SLC12A8: variants seen among roughly 807,000 people sequenced by gnomAD.
SLC12A8 encodes cation-chloride cotransporter 9.
SLC12A8 carries 69 observed loss-of-function variants against 75.6 expected under a neutral mutation model. The ratio of observed to expected loss-of-function variants is 0.91; its 90% CI spans 0.75 to 1.11. The LOEUF is 1.11. Among genes scored for constraint, SLC12A8 ranks in the 50% most tolerant of loss-of-function variants. The pLI is 0.00. For missense variants in SLC12A8, 877 were observed against 896.7 expected (o/e 0.98, Z 0.28); for synonymous variants, 365 against 372.8 (o/e 0.98, Z 0.24).
chr3:125,202,099 G>A (rs1376030753), intron 2 of SLC12A8, among the ~76,000 whole-genome samples: 1 of 152,050 alleles, frequency 6.6e-6, no homozygotes, highest in South Asian at 2.1e-4. Context: ...TTGTAGAGAC[G>A]GTGTTTCACC....
chr3:125,114,648 A>G (rs942584191), intron 8 of SLC12A8, among the ~76,000 whole-genome samples: 1 of 151,896 alleles, frequency 6.6e-6, no homozygotes, highest in African/African-American at 2.4e-5. Context: ...GCTGGTCTTG[A>G]ACTCCTGACC....
chr3:125,133,379 AAT>A (rs753850602), intron 6 of SLC12A8, among the ~76,000 whole-genome samples: 20 of 52,344 alleles, frequency 3.8e-4, no homozygotes, highest in Admixed American at 4.4e-4. Flanking sequence ...ACACACACAC[AAT>A]TTTTTTTTTG....
chr3:125,100,267 T>C (rs191655039), intron 10 of SLC12A8, among the ~76,000 whole-genome samples: 56 of 152,286 alleles, frequency 3.7e-4, no homozygotes, highest in African/African-American at 1.3e-3. Context: ...CCAAATTTGA[T>C]GAAAAACTTT....
At chr3:125,157,688 T>G (rs1934079201) in intron 5 of SLC12A8, among the ~76,000 whole-genome samples, 1 of 152,156 alleles carries the variant, frequency 6.6e-6, no homozygotes, top group South Asian at 2.1e-4. Context: ...GGGATCACCA[T>G]CCCCAGTTTA....
Position 125,107,844 on chromosome 3 carries a change from G to C in SLC12A8, c.1342C>G (p.Gln448Glu). Residue 448 changes from glutamine to glutamate, a missense_variant, in exon 10 of 14, where the codon CAA becomes GAA. Coordinates refer to ENST00000469902, the MANE Select transcript of SLC12A8 (RefSeq NM_024628.6). ...APSYGSEGPA[Q>E]RVLEGTLLEF... ...AGTAGCGTGCCCTCCAAGACTCTTT[G>C]GGCAGGTCCCTCAGAGCCGTAACTG... 6.2e-7 allele frequency: 1 copy of C among 1,614,162 alleles called. No individual in the cohort carries two copies.
chr3:125,192,923 A>G (rs1428146181), intron 2 of SLC12A8, among the ~76,000 whole-genome samples: 1 of 152,248 alleles, frequency 6.6e-6, no homozygotes, highest in Non-Finnish European at 1.5e-5. Flanking sequence ...ACATAAGCCC[A>G]GCAAGAGACA....
In SLC12A8 at chr3:125,206,767, A is replaced by G. The variant is rs958132051; in HGVS notation, c.51+4532T>C. The G allele has an allele frequency of 5.3e-5, 8 of 152,268 alleles. 1 individual carries two copies. Among genetic ancestry groups the G allele is most frequent in the Non-Finnish European group, 1.2e-4 (8 of 68,094 alleles). The allele number at this position is 152,268 out of a possible 1,614,324, so 9.4% of individuals were successfully genotyped here. ...CCAGGGAGGCCTCAGGAAACTTTCA[A>G]TCATGGTGGAAGGCAAAGGCGAGGC... is the stretch of plus-strand genomic sequence containing the variant. On this transcript the variant is annotated intron_variant, in intron 2 of 13. Transcript: ENST00000469902.
intron 5 of SLC12A8, among the ~76,000 whole-genome samples, chr3:125,175,891 C>A (rs1342887870): frequency 2.0e-5 from 3 of 152,134 alleles, no homozygotes; most frequent in Non-Finnish European, 4.4e-5. Context: ...GGGGTTAACC[C>A]TTTAGGTGCC....
intron 7 of SLC12A8, chr3:125,119,972 G>A: frequency 4.4e-6 from 2 of 451,258 alleles, no homozygotes; most frequent in South Asian, 1.6e-5. Context: ...GGGTGGCACA[G>A]TGTGAACTAA....
Position 125,108,106 on chromosome 3 carries a change from G to A in SLC12A8, c.1080C>T (p.Pro360=), listed in dbSNP as rs532840041. Residue 360 remains proline (P), a synonymous_variant, in exon 10 of 14, where the codon CCC becomes CCT. Coordinates refer to ENST00000469902, the MANE Select transcript of SLC12A8 (RefSeq NM_024628.6). ...LGQGKGPNKT[P]VAAICLTSLV... is the part of the protein sequence containing the mutation. ...AGCTGGTCAGGCAGATGGCAGCCAC[G>A]GGTGTTTTGTTTGGCCCCTTCTGCA... is the stretch of plus-strand genomic sequence containing the variant. 1.1e-4 allele frequency: 172 copies of A among 1,613,636 alleles called. 1 individual carries two copies. In the South Asian group the frequency reaches 1.6e-3, roughly 15 times the overall value.
At chr3:125,184,317 T>G (rs6777718) in intron 4 of SLC12A8, among the ~76,000 whole-genome samples, 95,153 of 152,050 alleles carry the variant, frequency 0.63, 31,156 homozygotes, top group Non-Finnish European at 0.73. Context: ...TCTCCTCAGT[T>G]TTGATGCTCT....
intron 6 of SLC12A8, among the ~76,000 whole-genome samples, chr3:125,128,155 C>T (rs1933254043): frequency 1.3e-5 from 2 of 151,146 alleles, no homozygotes; most frequent in South Asian, 2.1e-4. Context: ...CAGGCATGAG[C>T]CACCGTGCCC....
intron 2 of SLC12A8, chr3:125,206,891 G>A (rs1040735621): frequency 1.3e-5 from 2 of 152,242 alleles, no homozygotes; most frequent in African/African-American, 4.8e-5. Flanking sequence ...CTCACTATCA[G>A]AACAGCATCG....
At position 125,177,866 on chromosome 3, in the gene SLC12A8, C is replaced by T; in HGVS notation, c.499G>A (p.Ala167Thr). ...CCTGCGAGGTTAATGCCCAGCAAGG[C>T]CAGAAGCACCGCAACTGAAATTCCT... The part of the protein sequence containing the change: ...VRGISVAVLL[A>T]LLGINLAGVK... Residue 167 changes from alanine (A) to threonine (T), a missense_variant, in exon 5 of 14, where the codon GCC becomes ACC. Coordinates refer to ENST00000469902, the MANE Select transcript of SLC12A8 (RefSeq NM_024628.6). 1 of 1,614,194 alleles carries T rather than the reference C, an allele frequency of 6.2e-7. No homozygotes were observed. Among genetic ancestry groups the T allele is most frequent in the South Asian group, 1.1e-5 (1 of 91,082 alleles).
chr3:125,108,703 G>C (rs1397325551), intron 9 of SLC12A8, among the ~76,000 whole-genome samples: 1 of 152,176 alleles, frequency 6.6e-6, no homozygotes, highest in Non-Finnish European at 1.5e-5. Context: ...CATTATTATA[G>C]AACTTTGACT....
chr3:125,203,619 C>A (rs1179153186), intron 2 of SLC12A8, among the ~76,000 whole-genome samples: 1 of 152,096 alleles, frequency 6.6e-6, no homozygotes, highest in African/African-American at 2.4e-5. Context: ...AATGTAACAC[C>A]CAAACTATAA....
At position 125,107,908 on chromosome 3, in the gene SLC12A8, G is replaced by A; in HGVS notation, c.1278C>T (p.Gly426=). ...PEPVLREGAE[G]LHCSEHLLLE... is the part of the protein sequence containing the mutation. ...AGAGCAGGTGCTCAGAGCAGTGGAG[G>A]CCTTCTGCGCCCTCCCTGAGCACCG... is the stretch of plus-strand genomic sequence containing the variant. The change falls in exon 10 of 14, where the codon GGC becomes GGT. Residue 426 remains glycine (G), a synonymous_variant. Transcript: ENST00000469902. The A allele has an allele frequency of 1.2e-6, 2 of 1,614,194 alleles. No individual in the cohort carries two copies. The highest frequency in any genetic ancestry group is 2.2e-5 in the East Asian group (1 of 44,874).
intron 4 of SLC12A8, among the ~76,000 whole-genome samples, chr3:125,185,499 A>AG (rs1345934197): frequency 2.0e-5 from 3 of 152,096 alleles, no homozygotes; most frequent in Non-Finnish European, 4.4e-5. Context: ...ATCAAAAAAA[A>AG]CCCAGGACCA....
chr3:125,119,698 G>A (rs1306720596), intron 7 of SLC12A8, among the ~76,000 whole-genome samples: 4 of 152,142 alleles, frequency 2.6e-5, no homozygotes, highest in African/African-American at 4.8e-5. Context: ...GATGCTGTAC[G>A]CCAGGCTGAT....
Sources: allele counts gnomAD v4.1 joint callset (sites outside exome capture counted in the v4.1 genomes callset), GRCh38; gene constraint gnomAD v4.1.1; transcripts MANE v1.5; gene names NCBI Gene and HGNC (gene_info 2026-07-23, HGNC 2026-07-21).